Variants in THOP1 observed in about 807,000 individuals in gnomAD.
THOP1 encodes thimet oligopeptidase.
A neutral mutation model predicts 71.8 loss-of-function variants in THOP1; 49 were observed. The ratio of observed to expected loss-of-function variants is 0.68; its 90% CI spans 0.54 to 0.87. The LOEUF is 0.87. Among genes scored for constraint, THOP1 ranks in the 40% least tolerant of loss-of-function variants. The pLI is 0.00. For missense variants in THOP1, 843 were observed against 975.6 expected (o/e 0.86, Z 1.81); for synonymous variants, 426 against 421.5 (o/e 1.01, Z -0.13).
At chr19:2,811,846 G>A in intron 12 of THOP1, 112 bp downstream of exon 12, 1 of 1,384,536 alleles carries the variant, frequency 7.2e-7, no homozygotes, top group Non-Finnish European at 9.3e-7. Flanking sequence ...GGACAGGGAG[G>A]GCGTCCTGAA....
In THOP1 at chr19:2,808,387, C is replaced by T. The variant is rs373754322; in HGVS notation, c.1398C>T (p.Asp466=). ...ACGCGCCCTCGCTGCTGCAGCATGACGAGGTGGAGACCTACTTCCATGAGT... is the reference window on the plus strand; with the variant it reads ...ACGCGCCCTCGCTGCTGCAGCATGATGAGGTGGAGACCTACTTCCATGAGT... ...TADAPSLLQH[D]EVETYFHEFG... is the part of the protein sequence containing the mutation. Residue 466 remains aspartate (D), a synonymous_variant, in exon 9 of 13, where the codon GAC becomes GAT. Transcript: ENST00000307741. 131 of 1,611,366 alleles carry T rather than the reference C, an allele frequency of 8.1e-5. No individual in the cohort carries two copies. Among genetic ancestry groups the T allele is most frequent in the Non-Finnish European group, 9.4e-5 (111 of 1,179,012 alleles).
At chr19:2,810,280 T>C (rs764328727) in intron 9 of THOP1, 24 bp from the exon 10 acceptor site, 2 of 1,606,146 alleles carry the variant, frequency 1.2e-6, no homozygotes, top group South Asian at 2.2e-5. Context: ...CTGGGCACTC[T>C]GAGGCTCTGC....
intron 1 of THOP1, 23 bp from the exon 2 acceptor site, chr19:2,790,398 C>A: frequency 6.6e-7 from 1 of 1,508,398 alleles, no homozygotes; most frequent in South Asian, 1.3e-5. Flanking sequence ...ACCCGCCCGG[C>A]ACTGGGTTTT....
rs1221052820 is a variant in THOP1 at position 2,804,765 on chromosome 19, G to A, written c.590-251G>A. ...TCTGAGGATGCTGGGGGGTTTCCTGGTGGGGTTAGAGGCGGGACGTGAGAA... is the reference window on the plus strand; with the variant it reads ...TCTGAGGATGCTGGGGGGTTTCCTGATGGGGTTAGAGGCGGGACGTGAGAA... On this transcript the variant is annotated intron_variant, in intron 5 of 12. Coordinates refer to ENST00000307741, the MANE Select transcript of THOP1 (RefSeq NM_003249.5). This position sits in a 1 kb window ranked among gnomAD's most constrained non-coding sequence, Gnocchi z 4.7. 2.3e-6 allele frequency: 1 copy of A among 443,796 alleles called. No homozygotes were observed. The highest frequency in any genetic ancestry group is 4.0e-6 in the Non-Finnish European group (1 of 249,394). 27.5% of individuals were successfully genotyped at this position (443,796 alleles called of 1,614,324 possible). A position where few individuals can be genotyped will look rare whatever the true frequency, so the allele number is the denominator to read the frequency against.
chr19:2,799,639 G>A (rs572046744), intron 4 of THOP1, 50 bp from the exon 5 acceptor site: 82 of 1,498,864 alleles, frequency 5.5e-5, no homozygotes, highest in Middle Eastern at 1.7e-4. Context: ...GTCTCCCCGC[G>A]GAGCCCGCCC....
At position 2,796,206 on chromosome 19, in the gene THOP1, G is replaced by A. The variant is rs1464174368; in HGVS notation, c.486+18G>A. 2 of 1,593,000 alleles carry A rather than the reference G, an allele frequency of 1.3e-6. No homozygotes were observed. Among genetic ancestry groups the A allele is most frequent in the African/African-American group, 2.7e-5 (2 of 74,592 alleles). ...CTCAGGAAGTGAGTGCTGGGTGTAGGGAGTGCTGGGCGTGGGCAATGGTCG... is the reference window on the plus strand; with the variant it reads ...CTCAGGAAGTGAGTGCTGGGTGTAGAGAGTGCTGGGCGTGGGCAATGGTCG... On this transcript the variant is annotated intron_variant, in intron 4 of 12. Transcript: ENST00000307741.
rs1916150928 is a variant in THOP1, at chr19:2,801,888, T to G, written c.589+2097T>G. On this transcript the variant is annotated intron_variant, in intron 5 of 12. Coordinates refer to ENST00000307741, the MANE Select transcript of THOP1 (RefSeq NM_003249.5). This position sits in a 1 kb window ranked among gnomAD's most constrained non-coding sequence, Gnocchi z 5.1. The stretch of plus-strand genomic sequence containing the variant: ...ATCCATGAATCCATGAATGGATTCA[T>G]CCATTCCTGAAGGCAGAGGCCACAT... 6.6e-6 allele frequency among the ~76,000 whole-genome samples: 1 copy of G among 151,966 alleles called. No individual in the cohort carries two copies. The highest frequency in any genetic ancestry group is 1.5e-5 in the Non-Finnish European group (1 of 67,954).
At chr19:2,786,654 C>A (rs537318989) in intron 1 of THOP1, among the ~76,000 whole-genome samples, 2 of 152,166 alleles carry the variant, frequency 1.3e-5, no homozygotes, top group South Asian at 2.1e-4. Flanking sequence ...TGTAGTGGTG[C>A]AATCTCTGCT....
Position 2,805,206 on chromosome 19 carries a change from A to C in THOP1, c.750+30A>C. On this transcript the variant is annotated intron_variant, in intron 6 of 12. Transcript: ENST00000307741. This position sits in a 1 kb window ranked among gnomAD's most constrained non-coding sequence, Gnocchi z 6.6. The stretch of plus-strand genomic sequence containing the variant: ...GAAGGCACGGCCAGGGGGCCCCAGA[A>C]CAGTGGGTCTGGAGCTTGTGGGGCC... 1 of 1,598,054 alleles carries C rather than the reference A, an allele frequency of 6.3e-7. No individual in the cohort carries two copies. The highest frequency in any genetic ancestry group is 1.1e-5 in the South Asian group (1 of 88,640).
chr19:2,801,407 C>A lies in THOP1; in HGVS notation c.589+1616C>A, dbSNP rs189578002. The stretch of plus-strand genomic sequence containing the variant: ...TTTGGTGTCTAACTCTTTGGGGTGC[C>A]GTTCCATTTGTCGGGCCTGAGGGGT... On this transcript the variant is annotated intron_variant, in intron 5 of 12. Coordinates refer to ENST00000307741, the MANE Select transcript of THOP1 (RefSeq NM_003249.5). This position sits in a 1 kb window ranked among gnomAD's most constrained non-coding sequence, Gnocchi z 5.1. 4.5e-3 allele frequency among the ~76,000 whole-genome samples: 685 copies of A among 152,266 alleles called. 7 individuals are homozygous for A. The highest frequency in any genetic ancestry group is 5.4e-3 in the Non-Finnish European group (364 of 68,024).
chr19:2,795,993 A>C, intron 3 of THOP1, 88 bp from the exon 4 acceptor site: 1 of 994,884 alleles, frequency 1.0e-6, no homozygotes, highest in Non-Finnish European at 1.5e-6. Context: ...CGGGGGCCGG[A>C]TGATCAGGTT....
In THOP1 at chr19:2,785,677, A is replaced by G. The variant is rs775554393; in HGVS notation, c.15A>G (p.Ala5=). ...ACCCACCCGCCATGAAGCCCCCCGC[A>G]GGTACCGACTACCCCGCTCGCCGGA... MKPP[A]ACAGDMADAA... is the part of the protein sequence containing the mutation. Residue 5 remains alanine (A), a splice_region_variant and synonymous_variant, in exon 1 of 13, where the codon GCA becomes GCG. Transcript: ENST00000307741. The G allele has an allele frequency of 6.7e-7, 1 of 1,490,514 alleles. No individual in the cohort carries two copies. Among genetic ancestry groups the G allele is most frequent in the Non-Finnish European group, 8.9e-7 (1 of 1,117,684 alleles). 92.3% of individuals were successfully genotyped at this position (1,490,514 alleles called of 1,614,324 possible).
chr19:2,791,973 G>C (rs908644762), intron 2 of THOP1, among the ~76,000 whole-genome samples: 4 of 152,088 alleles, frequency 2.6e-5, no homozygotes, highest in South Asian at 2.1e-4. Context: ...GGCCCCTCGC[G>C]CCCCTCGCCC....
At chr19:2,799,661 T>G in intron 4 of THOP1, 28 bp from the exon 5 acceptor site, 1 of 1,349,106 alleles carries the variant, frequency 7.4e-7, no homozygotes, top group Non-Finnish European at 1.0e-6. Flanking sequence ...GGTCTCTCCC[T>G]CCCCTCACGC....
chr19:2,810,533 CG>C, intron 10 of THOP1, 43 bp downstream of exon 10: 1 of 1,528,900 alleles, frequency 6.5e-7, no homozygotes, highest in Non-Finnish European at 8.8e-7. Context: ...CCTCGGGGGG[CG>C]GCACACAGCT....
At chr19:2,785,867 C>T (rs917277453) in intron 1 of THOP1, among the ~76,000 whole-genome samples, 189 bp downstream of exon 1, 1 of 152,188 alleles carries the variant, frequency 6.6e-6, no homozygotes, top group Non-Finnish European at 1.5e-5. Flanking sequence ...TTTTCCAGCG[C>T]TTCATTCATT....
chr19:2,786,149 T>G (rs2144753199), intron 1 of THOP1, among the ~76,000 whole-genome samples: 1 of 152,208 alleles, frequency 6.6e-6, no homozygotes, highest in African/African-American at 2.4e-5. Context: ...CTTGCTTGAT[T>G]GGGAGAAGCA....
In THOP1 at chr19:2,785,622, G is replaced by T. The variant is rs1047289656; in HGVS notation, c.-41G>T. ...GCCGAGGTGGCTGGACGCGTAGCAG[G>T]TGGAAGGAGGGAGGGAGCCGCAGGC... On this transcript the variant is annotated 5_prime_UTR_variant, in exon 1 of 13. Transcript: ENST00000307741. The T allele has an allele frequency of 2.8e-5, 42 of 1,506,726 alleles. No individual in the cohort carries two copies. Among genetic ancestry groups the T allele is most frequent in the Non-Finnish European group, 3.6e-5 (41 of 1,129,192 alleles). The allele number at this position is 1,506,726 out of a possible 1,614,324, so 93.3% of individuals were successfully genotyped here.
intron 9 of THOP1, 137 bp downstream of exon 9, chr19:2,808,581 A>T (rs1599531721): frequency 2.0e-6 from 2 of 995,102 alleles, no homozygotes; most frequent in East Asian, 5.4e-5. Flanking sequence ...AATGCCACCC[A>T]AAGATGGTGA....
Sources: allele counts gnomAD v4.1 joint callset (sites outside exome capture counted in the v4.1 genomes callset), GRCh38; gene constraint gnomAD v4.1.1; non-coding constraint Gnocchi (gnomAD v3.1); transcripts MANE v1.5; gene names NCBI Gene and HGNC (gene_info 2026-07-23, HGNC 2026-07-21).